GLIS1: variants seen among roughly 807,000 people sequenced by gnomAD.
The protein encoded by GLIS1 is zinc finger protein GLIS1.
A neutral mutation model predicts 63.8 loss-of-function variants in GLIS1; 24 were observed. That is an observed-to-expected ratio of 0.38 (90% CI 0.27 to 0.53). The LOEUF is 0.53. Among genes scored for constraint, GLIS1 ranks in the 20% least tolerant of loss-of-function variants. The pLI is 0.85. For synonymous variants in GLIS1, 450 were observed against 482.5 expected, an observed-to-expected ratio of 0.93 and a Z score of 0.88; for missense variants, 1,036 against 1,074.1, an observed-to-expected ratio of 0.96 and a Z score of 0.50.
In GLIS1 at chr1:53,739,119, T is replaced by A. The variant is rs1178228404; in HGVS notation, c.-57A>T. 6.6e-6 allele frequency among the ~76,000 whole-genome samples: 1 copy of A among 150,596 alleles called. No homozygotes were observed. The highest frequency in any genetic ancestry group is 1.5e-5 in the Non-Finnish European group (1 of 67,496). On this transcript the variant is annotated 5_prime_UTR_variant, in exon 1 of 11. Coordinates refer to ENST00000628545, the MANE Select transcript of GLIS1 (RefSeq NM_001367484.1). ...CCCCCTCTCACCTCGCAGCGGCAGC[T>A]GCAGATCGCTGGGCGCCCGGCTCGG...
chr1:53,611,700 C>A (rs1645426109), intron 2 of GLIS1, among the ~76,000 whole-genome samples: 1 of 152,232 alleles, frequency 6.6e-6, no homozygotes, highest in Non-Finnish European at 1.5e-5. Flanking sequence ...CTTCTAGATG[C>A]TGCCTGTCAG....
intron 2 of GLIS1, among the ~76,000 whole-genome samples, chr1:53,728,156 G>A (rs1436038805): frequency 6.6e-6 from 1 of 152,150 alleles, no homozygotes; most frequent in Admixed American, 6.5e-5. Flanking sequence ...TTGCCATAGA[G>A]TATGAGCAGG....
chr1:53,646,745 G>A lies in GLIS1; in HGVS notation c.260-46467C>T, dbSNP rs1022519983. Among the ~76,000 whole-genome samples the A allele has an allele frequency of 5.9e-5, 9 of 152,062 alleles. No individual in the cohort carries two copies. The highest frequency in any genetic ancestry group is 1.5e-4 in the African/African-American group (6 of 41,378). On this transcript the variant is annotated intron_variant, in intron 2 of 10. Coordinates refer to ENST00000628545, the MANE Select transcript of GLIS1 (RefSeq NM_001367484.1). This position sits in a 1 kb window ranked among gnomAD's most constrained non-coding sequence, Gnocchi z 4.2. ...GGACTGTTTGAACCTGGTAGGCAGA[G>A]GTTGCAGTGAGTAGAGATCACACCA...
intron 4 of GLIS1, among the ~76,000 whole-genome samples, chr1:53,577,685 T>C (rs1645046426): frequency 6.6e-6 from 1 of 152,098 alleles, no homozygotes; most frequent in South Asian, 2.1e-4. Flanking sequence ...GCTCTAAGCT[T>C]GTGTGCCCCT....
In GLIS1 at chr1:53,560,438, A is replaced by C. The variant is rs561299464; in HGVS notation, c.1321-30486T>G. On this transcript the variant is annotated intron_variant, in intron 4 of 10. Coordinates refer to ENST00000628545, the MANE Select transcript of GLIS1 (RefSeq NM_001367484.1). The surrounding 1 kb of genome is among the most constrained non-coding windows in gnomAD (Gnocchi z 4.4). ...GCAAGGGCAGGGGTTCCACTGGCAGACGGACAGTTCCGGTCGGGAGATATC... is the reference window on the plus strand; with the variant it reads ...GCAAGGGCAGGGGTTCCACTGGCAGCCGGACAGTTCCGGTCGGGAGATATC... Among the ~76,000 whole-genome samples, 2 of 152,328 alleles carry C rather than the reference A, an allele frequency of 1.3e-5. No individual in the cohort carries two copies. The highest frequency in any genetic ancestry group is 2.4e-5 in the African/African-American group (1 of 41,578).
chr1:53,516,737 C>T (rs1214962787), intron 7 of GLIS1, among the ~76,000 whole-genome samples: 2 of 151,698 alleles, frequency 1.3e-5, no homozygotes, highest in South Asian at 4.2e-4. Context: ...GGCTTCAACC[C>T]GAAACGCGGA....
chr1:53,581,149 C>G (rs1031800604), intron 4 of GLIS1, among the ~76,000 whole-genome samples: 2 of 152,184 alleles, frequency 1.3e-5, no homozygotes, highest in Admixed American at 1.3e-4. Context: ...ATAGCCTCTC[C>G]TGTAACCTGA....
At chr1:53,604,934 A>ATATATATG in intron 2 of GLIS1, among the ~76,000 whole-genome samples, 1 of 11,502 alleles carries the variant, frequency 8.7e-5, no homozygotes, top group East Asian at 7.4e-3. Context: ...GTGTGTGTGT[A>ATATATATG]TATATATACA....
At chr1:53,589,112 G>T (rs913334304) in intron 4 of GLIS1, among the ~76,000 whole-genome samples, 1 of 152,146 alleles carries the variant, frequency 6.6e-6, no homozygotes, top group Non-Finnish European at 1.5e-5. Context: ...GGCCTCGGAG[G>T]TTTTTGTTTT....
intron 4 of GLIS1, among the ~76,000 whole-genome samples, chr1:53,581,262 C>G (rs1645081899): frequency 6.6e-6 from 1 of 152,294 alleles, no homozygotes; most frequent in Middle Eastern, 3.4e-3. Context: ...CGGACAGTCC[C>G]AGCTAGGCTG....
rs370494270 is a variant in GLIS1, at chr1:53,594,382, G to A, written c.1046C>T (p.Pro349Leu). 4.7e-5 allele frequency: 75 copies of A among 1,611,474 alleles called. No individual in the cohort carries two copies. Among genetic ancestry groups the A allele is most frequent in the Admixed American group, 5.0e-5 (3 of 59,850 alleles). The change falls in exon 4 of 11, where the codon CCG becomes CTG. Residue 349 changes from proline to leucine, a missense_variant. By Grantham distance (98) the Pro-to-Leu change is moderately conservative. This residue lies in a region of GLIS1 where 592 missense variants were observed against 593.9 expected (regional missense o/e 1.00). Coordinates refer to ENST00000628545, the MANE Select transcript of GLIS1 (RefSeq NM_001367484.1). The stretch of plus-strand genomic sequence containing the variant: ...CAGGCCTCCAAGGCTTGGGCCAGGC[G>A]GCAACTGAGACAGGGGATAGGGGGG... ...LPPPYPLSQL[P>L]PGPSLGGLGL...
intron 6 of GLIS1, among the ~76,000 whole-genome samples, chr1:53,522,784 C>T (rs1459362061): frequency 6.6e-6 from 1 of 151,910 alleles, no homozygotes; most frequent in Admixed American, 6.6e-5. Context: ...GAGCAGTAAG[C>T]ATGCCTGTAG....
At chr1:53,696,988 T>C (rs1221571551) in intron 2 of GLIS1, among the ~76,000 whole-genome samples, 2 of 152,204 alleles carry the variant, frequency 1.3e-5, no homozygotes, top group Admixed American at 6.5e-5. Context: ...TGCCCCTTCA[T>C]TGTGCTTAGC....
intron 2 of GLIS1, among the ~76,000 whole-genome samples, chr1:53,651,836 T>C (rs969424138): frequency 6.8e-6 from 1 of 146,594 alleles, no homozygotes; most frequent in Middle Eastern, 3.5e-3. Flanking sequence ...TTCGTGCCAC[T>C]GCACTCCAGA....
intron 2 of GLIS1, among the ~76,000 whole-genome samples, chr1:53,682,038 T>C (rs1425486781): frequency 6.6e-6 from 1 of 152,222 alleles, no homozygotes; most frequent in African/African-American, 2.4e-5. Context: ...TCGTTGGCTC[T>C]TAGAAAATAA....
chr1:53,592,277 A>C (rs1458611345), intron 4 of GLIS1, among the ~76,000 whole-genome samples: 1 of 152,136 alleles, frequency 6.6e-6, no homozygotes, highest in African/African-American at 2.4e-5. Context: ...CCAAATTTCC[A>C]ACACAGATAC....
chr1:53,534,043 G>A (rs498473), intron 4 of GLIS1, among the ~76,000 whole-genome samples: 145,153 of 152,094 alleles, frequency 0.95, 69,339 homozygotes, highest in East Asian at 1. Flanking sequence ...TCTGGGTCCC[G>A]GGAGCAGCCT....
intron 2 of GLIS1, among the ~76,000 whole-genome samples, chr1:53,690,656 G>A (rs1004181409): frequency 6.6e-6 from 1 of 152,206 alleles, no homozygotes; most frequent in Non-Finnish European, 1.5e-5. Context: ...GCAGGGCAGC[G>A]ATGATTAACC....
In GLIS1 at chr1:53,574,530, T is replaced by C. The variant is rs570790609; in HGVS notation, c.1320+19578A>G. Among the ~76,000 whole-genome samples, 3 of 152,172 alleles carry C rather than the reference T, an allele frequency of 2.0e-5. No individual in the cohort carries two copies. Among genetic ancestry groups the C allele is most frequent in the South Asian group, 4.2e-4 (2 of 4,818 alleles). ...ACCCACCTAAACACCATTGTACAGG[T>C]GAGGAAACAGAAGCTTCAGAAAGGT... On this transcript the variant is annotated intron_variant, in intron 4 of 10. Coordinates refer to ENST00000628545, the MANE Select transcript of GLIS1 (RefSeq NM_001367484.1). The surrounding 1 kb of genome is among the most constrained non-coding windows in gnomAD (Gnocchi z 4.2).
Sources: gnomAD v4.1 joint callset for allele counts (sites outside exome capture counted in the v4.1 genomes callset) on GRCh38, gnomAD v4.1.1 for gene constraint, gnomAD v4.1.1 regional missense constraint, Gnocchi (gnomAD v3.1) non-coding constraint, MANE v1.5 for transcripts, NCBI Gene and HGNC (gene_info 2026-07-23, HGNC 2026-07-21) for gene names.